Variants in SLC15A5 observed in about 807,000 individuals in gnomAD.
SLC15A5 encodes the protein solute carrier family 15 member 5.
Under a neutral mutation model 56.1 loss-of-function variants are expected in SLC15A5, and 58 were observed. The ratio of observed to expected loss-of-function variants is 1.03; its 90% CI spans 0.84 to 1.29. The LOEUF is 1.29. Ranked by LOEUF, SLC15A5 falls within the 50% of genes most tolerant of loss-of-function variation. The pLI is 0.00. For missense variants in SLC15A5, 681 were observed against 672.1 expected, an observed-to-expected ratio of 1.01 and a Z score of -0.15; for synonymous variants, 264 against 250.5, an observed-to-expected ratio of 1.05 and a Z score of -0.51.
rs755042570 is a variant in SLC15A5, at chr12:16,205,592, CATAT to C, written c.1484-11143_1484-11140del. On this transcript the variant is annotated intron_variant, in intron 7 of 8. Coordinates refer to ENST00000344941, the MANE Select transcript of SLC15A5 (RefSeq NM_001170798.1). Reference sequence around the variant, plus strand: ...GAAGGGAAAGGTGCATATATATATACATATACACACACACACACATATATATACA... The same window carrying C: ...GAAGGGAAAGGTGCATATATATATACACACACACACACACATATATATACA... Among the ~76,000 whole-genome samples, 727 of 75,412 alleles carry C rather than the reference CATAT, an allele frequency of 9.6e-3. 39 individuals are homozygous for C. Among genetic ancestry groups the C allele is most frequent in the African/African-American group, 0.015 (344 of 23,006 alleles). The allele number at this position is 75,412 out of a possible 152,430, so 49.5% of individuals were successfully genotyped here. A position where few individuals can be genotyped will look rare whatever the true frequency, so the allele number is the denominator to read the frequency against.
chr12:16,254,940 T>A (rs1864554395), intron 3 of SLC15A5, among the ~76,000 whole-genome samples: 1 of 152,140 alleles, frequency 6.6e-6, no homozygotes, highest in Non-Finnish European at 1.5e-5. Flanking sequence ...GTAGGATGAC[T>A]ATAGTTAACA....
At chr12:16,259,903 G>GTA (rs1864625847) in intron 2 of SLC15A5, among the ~76,000 whole-genome samples, 1 of 149,162 alleles carries the variant, frequency 6.7e-6, no homozygotes, top group African/African-American at 2.6e-5. Context: ...CACCCGGGCG[G>GTA]GGGGTAAGTT....
intron 5 of SLC15A5, among the ~76,000 whole-genome samples, chr12:16,234,717 A>G (rs1490807601): frequency 6.6e-6 from 1 of 152,200 alleles, no homozygotes; most frequent in Non-Finnish European, 1.5e-5. Flanking sequence ...TTATGCTATT[A>G]TTGAACCATG....
In SLC15A5 at chr12:16,272,660, A is replaced by C; in HGVS notation, c.485T>G (p.Ile162Ser). Reference sequence around the variant, plus strand: ...TCTTACGCCTCCAATGCCAAGGCAAATGGTCAGCAGTGCTACATAAAACAG... The same window carrying C: ...TCTTACGCCTCCAATGCCAAGGCAACTGGTCAGCAGTGCTACATAAAACAG... ...HRLFYVALLT[I>S]CLGIGGVRAI... is the part of the protein sequence containing the mutation. The change falls in exon 2 of 9, where the codon ATT becomes AGT. Residue 162 changes from isoleucine (I) to serine (S), a missense_variant. Physicochemically the swap from Ile to Ser is moderately radical, Grantham distance 142. Transcript: ENST00000344941. The C allele has an allele frequency of 6.5e-7, 1 of 1,537,120 alleles. No individual in the cohort carries two copies. Among genetic ancestry groups the C allele is most frequent in the Non-Finnish European group, 8.7e-7 (1 of 1,146,750 alleles).
chr12:16,230,540 T>G (rs966895693), intron 5 of SLC15A5, among the ~76,000 whole-genome samples: 1 of 152,150 alleles, frequency 6.6e-6, no homozygotes, highest in Admixed American at 6.6e-5. Flanking sequence ...TTATTCAATT[T>G]GTTTACAAAA....
chr12:16,215,566 A>G (rs1393799971), intron 7 of SLC15A5, among the ~76,000 whole-genome samples: 2 of 152,218 alleles, frequency 1.3e-5, no homozygotes, highest in Non-Finnish European at 2.9e-5. Context: ...TGTATGAAGA[A>G]TCTGAGCACT....
chr12:16,224,677 C>G, intron 5 of SLC15A5, 75 bp from the exon 6 acceptor site: 2 of 1,344,402 alleles, frequency 1.5e-6, no homozygotes, highest in Non-Finnish European at 2.0e-6. Context: ...CATAACATTT[C>G]TTACCCATTG....
intron 8 of SLC15A5, 37 bp downstream of exon 8, chr12:16,194,308 A>G: frequency 1.5e-6 from 2 of 1,353,332 alleles, no homozygotes; most frequent in Non-Finnish European, 2.0e-6. Flanking sequence ...TATTTCATGG[A>G]CTCAGAAATT....
chr12:16,216,421 A>T (rs1306018254), intron 7 of SLC15A5, among the ~76,000 whole-genome samples: 2 of 152,160 alleles, frequency 1.3e-5, no homozygotes, highest in East Asian at 3.8e-4. Context: ...CCTGACCAAA[A>T]TCTCTACTGG....
intron 5 of SLC15A5, among the ~76,000 whole-genome samples, chr12:16,230,500 A>G (rs1245017372): frequency 3.9e-5 from 6 of 152,220 alleles, no homozygotes; most frequent in African/African-American, 1.4e-4. Context: ...TGCTTTTGAC[A>G]TTACAGTAAA....
At chr12:16,205,661 T>G (rs1042997915) in intron 7 of SLC15A5, among the ~76,000 whole-genome samples, 1 of 148,850 alleles carries the variant, frequency 6.7e-6, no homozygotes, top group African/African-American at 2.5e-5. Flanking sequence ...ATATGCACCT[T>G]TCCTCACTTC....
At chr12:16,190,312 A>G (rs1032382834) in intron 8 of SLC15A5, among the ~76,000 whole-genome samples, 2 of 152,306 alleles carry the variant, frequency 1.3e-5, no homozygotes, top group Admixed American at 6.5e-5. Context: ...AGGGTGGGAT[A>G]GAATCATCCC....
intron 5 of SLC15A5, among the ~76,000 whole-genome samples, chr12:16,233,260 AC>A (rs1289873190): frequency 1.3e-5 from 2 of 152,198 alleles, no homozygotes; most frequent in East Asian, 3.9e-4. Flanking sequence ...GACAAGCATC[AC>A]TATTTTTTTT....
chr12:16,210,132 A>G (rs757244475), intron 7 of SLC15A5, among the ~76,000 whole-genome samples: 32 of 152,036 alleles, frequency 2.1e-4, no homozygotes, highest in Non-Finnish European at 4.1e-4. Context: ...GTGGGCCTTG[A>G]TATATGTGCT....
Position 16,188,815 on chromosome 12 carries a change from A to T in SLC15A5, c.*853T>A, listed in dbSNP as rs1009362084. On this transcript the variant is annotated 3_prime_UTR_variant, in exon 9 of 9. Coordinates refer to ENST00000344941, the MANE Select transcript of SLC15A5 (RefSeq NM_001170798.1). Reference sequence around the variant, plus strand: ...CTACTGAGAAACAGACTTTAATTTTATTTGATTTTTTAAAAAATGAGTTTC... The same window carrying T: ...CTACTGAGAAACAGACTTTAATTTTTTTTGATTTTTTAAAAAATGAGTTTC... 6.6e-6 allele frequency: 1 copy of T among 152,154 alleles called. No homozygotes were observed. The highest frequency in any genetic ancestry group is 2.4e-5 in the African/African-American group (1 of 41,456). The allele number at this position is 152,154 out of a possible 1,614,324, so 9.4% of individuals were successfully genotyped here.
intron 7 of SLC15A5, among the ~76,000 whole-genome samples, chr12:16,195,827 G>A (rs146669991): frequency 3.9e-5 from 6 of 152,138 alleles, no homozygotes; most frequent in Non-Finnish European, 5.9e-5. Flanking sequence ...GATTAATTGT[G>A]CCACTTCCCA....
intron 6 of SLC15A5, among the ~76,000 whole-genome samples, chr12:16,223,422 G>A (rs1208369128): frequency 6.6e-6 from 1 of 152,154 alleles, no homozygotes; most frequent in African/African-American, 2.4e-5. Flanking sequence ...ATCAATTACA[G>A]AGATAAATAG....
chr12:16,251,351 A>G (rs1441274394), intron 3 of SLC15A5, among the ~76,000 whole-genome samples: 1 of 151,880 alleles, frequency 6.6e-6, no homozygotes, highest in African/African-American at 2.4e-5. Context: ...AGCAGAGATA[A>G]ACAAAATAGA....
At position 16,207,966 on chromosome 12, in the gene SLC15A5, T is replaced by C. The variant is rs147016080; in HGVS notation, c.1483+8927A>G. ...CTGTGCCCGGCCAGAACCAGCGATC[T>C]TAACACTTGTCTTCTAAATCATCTT... On this transcript the variant is annotated intron_variant, in intron 7 of 8. Coordinates refer to ENST00000344941, the MANE Select transcript of SLC15A5 (RefSeq NM_001170798.1). Among the ~76,000 whole-genome samples the C allele has an allele frequency of 5.5e-3, 832 of 152,274 alleles. 7 individuals are homozygous for C. The highest frequency in any genetic ancestry group is 0.019 in the African/African-American group (798 of 41,560).
Sources: gnomAD v4.1 joint callset for allele counts (sites outside exome capture counted in the v4.1 genomes callset) on GRCh38, gnomAD v4.1.1 for gene constraint, MANE v1.5 for transcripts, NCBI Gene and HGNC (gene_info 2026-07-23, HGNC 2026-07-21) for gene names.